Variants in GPR107 observed in about 807,000 individuals in gnomAD.
The protein encoded by GPR107 is protein GPR107.
Under a neutral mutation model 75.5 loss-of-function variants are expected in GPR107, and 31 were observed. That is an observed-to-expected ratio of 0.41 (90% CI 0.31 to 0.55). GPR107 has a LOEUF of 0.55. Among genes scored for constraint, GPR107 ranks in the 20% least tolerant of loss-of-function variants. The pLI is 0.26. For missense variants in GPR107, 572 were observed against 665.7 expected (o/e 0.86, Z 1.55); for synonymous variants, 267 against 251.3 (o/e 1.06, Z -0.59).
At chr9:130,133,533 G>A (rs531212527) in intron 17 of GPR107, among the ~76,000 whole-genome samples, 10 of 152,306 alleles carry the variant, frequency 6.6e-5, no homozygotes, top group African/African-American at 2.2e-4. Flanking sequence ...CTCATGCAAA[G>A]GCCCTACCTC....
At chr9:130,104,302 A>T in intron 12 of GPR107, 118 bp from the exon 13 acceptor site, 1 of 792,898 alleles carries the variant, frequency 1.3e-6, no homozygotes, top group Non-Finnish European at 2.1e-6. Flanking sequence ...GACTGGAAAG[A>T]ATGCTGTGGT....
intron 10 of GPR107, 82 bp downstream of exon 10, chr9:130,099,614 G>T: frequency 1.3e-6 from 1 of 781,366 alleles, no homozygotes; most frequent in Non-Finnish European, 2.2e-6. Flanking sequence ...TGAAGAAAGG[G>T]GATAGATTGG....
At position 130,103,165 on chromosome 9, in the gene GPR107, A is replaced by T. The variant is rs1048552812; in HGVS notation, c.1132-1255A>T. ...CAGGGCTTCACGAGCAGTGTGGGACAGGGAAGGACCCAGAAGCTGGGGGTC... is the reference window on the plus strand; with the variant it reads ...CAGGGCTTCACGAGCAGTGTGGGACTGGGAAGGACCCAGAAGCTGGGGGTC... On this transcript the variant is annotated intron_variant, in intron 12 of 17. Transcript: ENST00000347136. The surrounding 1 kb of genome is among the most constrained non-coding windows in gnomAD (Gnocchi z 4.3). Among the ~76,000 whole-genome samples, 1 of 152,154 alleles carries T rather than the reference A, an allele frequency of 6.6e-6. No homozygotes were observed. The highest frequency in any genetic ancestry group is 1.5e-5 in the Non-Finnish European group (1 of 68,028).
At chr9:130,055,811 G>A (rs1160327526) in intron 1 of GPR107, among the ~76,000 whole-genome samples, 1 of 151,794 alleles carries the variant, frequency 6.6e-6, no homozygotes, top group Non-Finnish European at 1.5e-5. Context: ...GGGCATGGTG[G>A]CACATGCCTG....
intron 6 of GPR107, among the ~76,000 whole-genome samples, chr9:130,085,594 C>T (rs541952119): frequency 6.6e-6 from 1 of 152,090 alleles, no homozygotes; most frequent in Admixed American, 6.6e-5. Flanking sequence ...ACTGATCTGT[C>T]ACTGGGGTAT....
chr9:130,085,335 G>T (rs557653630), intron 6 of GPR107, among the ~76,000 whole-genome samples: 4 of 152,124 alleles, frequency 2.6e-5, no homozygotes, highest in Non-Finnish European at 5.9e-5. Flanking sequence ...GGAGTGGGTC[G>T]TAGAAATAGC....
At chr9:130,055,037 T>G (rs1223435776) in intron 1 of GPR107, among the ~76,000 whole-genome samples, 1 of 152,078 alleles carries the variant, frequency 6.6e-6, no homozygotes, top group African/African-American at 2.4e-5. Flanking sequence ...GAGCCGTGAT[T>G]ACTCATTGCA....
At chr9:130,081,509 TA>T (rs1184725521) in intron 5 of GPR107, among the ~76,000 whole-genome samples, 1 of 151,186 alleles carries the variant, frequency 6.6e-6, no homozygotes, top group African/African-American at 2.4e-5. Context: ...CCGTCTCTAC[TA>T]AAAATACAAA....
chr9:130,107,371 A>T (rs1412383237), intron 13 of GPR107, 125 bp from the exon 14 acceptor site: 3 of 704,650 alleles, frequency 4.3e-6, no homozygotes, highest in African/African-American at 1.7e-5. Flanking sequence ...AGAGTGCTCT[A>T]AAGTGATGTA....
intron 10 of GPR107, 44 bp from the exon 11 acceptor site, chr9:130,100,585 A>G (rs1410120664): frequency 1.5e-6 from 2 of 1,300,168 alleles, no homozygotes; most frequent in Non-Finnish European, 2.2e-6. Context: ...TTGTGGAGCC[A>G]TGTAGATAAT....
At chr9:130,128,275 C>T (rs541892263) in intron 16 of GPR107, among the ~76,000 whole-genome samples, 15 of 152,194 alleles carry the variant, frequency 9.9e-5, no homozygotes, top group South Asian at 4.1e-4. Flanking sequence ...AGTATCTTTG[C>T]GACAAACTAG....
intron 14 of GPR107, among the ~76,000 whole-genome samples, chr9:130,121,361 CT>C (rs753949038): frequency 1.3e-5 from 2 of 152,168 alleles, no homozygotes; most frequent in Non-Finnish European, 2.9e-5. Flanking sequence ...GCAAAAAAAT[CT>C]TATAATGTTT....
chr9:130,100,543 A>G, intron 10 of GPR107, 86 bp from the exon 11 acceptor site: 4 of 981,688 alleles, frequency 4.1e-6, no homozygotes, highest in Non-Finnish European at 6.6e-6. Flanking sequence ...GATTTGGATA[A>G]TTTCCCAAAT....
chr9:130,071,035 CTT>C (rs56799662), intron 1 of GPR107, among the ~76,000 whole-genome samples: 1 of 98,194 alleles, frequency 1.0e-5, no homozygotes, highest in Non-Finnish European at 1.8e-5. Context: ...TTTTTTTTTT[CTT>C]TTTTTTTTTT....
chr9:130,078,840 C>T (rs1056217200), intron 4 of GPR107, among the ~76,000 whole-genome samples: 4 of 152,160 alleles, frequency 2.6e-5, no homozygotes, highest in African/African-American at 9.7e-5. Flanking sequence ...TGTCACTGGC[C>T]CCTCCTGGGT....
At chr9:130,111,805 C>A (rs1832889685) in intron 14 of GPR107, among the ~76,000 whole-genome samples, 1 of 152,122 alleles carries the variant, frequency 6.6e-6, no homozygotes, top group African/African-American at 2.4e-5. Flanking sequence ...TGAGGGAAAT[C>A]TAAAGGAAAG....
chr9:130,086,586 TG>T, intron 7 of GPR107, 110 bp downstream of exon 7: 1 of 715,830 alleles, frequency 1.4e-6, no homozygotes, highest in Non-Finnish European at 2.5e-6. Flanking sequence ...AGGTATGCCC[TG>T]TATCAGTCAC....
At chr9:130,129,977 G>GCATT (rs1186685062) in intron 17 of GPR107, 1 of 152,262 alleles carries the variant, frequency 6.6e-6, no homozygotes, top group Admixed American at 6.5e-5. Flanking sequence ...GAGCCTGGAT[G>GCATT]CATTATGAAG....
At chr9:130,102,901 A>T (rs1831070330) in intron 12 of GPR107, among the ~76,000 whole-genome samples, 1 of 151,992 alleles carries the variant, frequency 6.6e-6, no homozygotes, top group Non-Finnish European at 1.5e-5. Context: ...CTCCTGCCTC[A>T]GTCTCCCGAG....
Sources: allele counts gnomAD v4.1 joint callset (sites outside exome capture counted in the v4.1 genomes callset), GRCh38; gene constraint gnomAD v4.1.1; non-coding constraint Gnocchi (gnomAD v3.1); transcripts MANE v1.5; gene names NCBI Gene and HGNC (gene_info 2026-07-23, HGNC 2026-07-21).